C1orf105: variants seen among roughly 807,000 people sequenced by gnomAD.
C1orf105 encodes uncharacterized protein C1orf105.
Under a neutral mutation model 20.8 loss-of-function variants are expected in C1orf105, and 17 were observed. The observed-to-expected ratio is 0.82, with a 90% CI of 0.56 to 1.23. The LOEUF is 1.23. Ranked by LOEUF, C1orf105 falls within the 50% of genes most tolerant of loss-of-function variation. C1orf105 has a pLI of 0.00. For synonymous variants in C1orf105, 72 were observed against 72.1 expected (o/e 1.00, Z 0.01); for missense variants, 219 against 213.5 (o/e 1.03, Z -0.16).
chr1:172,434,080 A>C (rs889330534), intron 1 of C1orf105, among the ~76,000 whole-genome samples: 65 of 152,352 alleles, frequency 4.3e-4, no homozygotes, highest in Admixed American at 2.1e-3. Context: ...TGCACCCAAT[A>C]AAGGAGCACC....
chr1:172,448,592 A>T, intron 3 of C1orf105, 61 bp downstream of exon 3: 1 of 937,848 alleles, frequency 1.1e-6, no homozygotes, highest in Non-Finnish European at 1.8e-6. Context: ...ATAGAATATG[A>T]ATACATGTCC....
intron 4 of C1orf105, among the ~76,000 whole-genome samples, chr1:172,460,546 G>A (rs373618112): frequency 6.6e-4 from 101 of 152,142 alleles, no homozygotes; most frequent in Middle Eastern, 3.4e-3. Context: ...CTAGACAACT[G>A]TAAACAGATA....
chr1:172,440,397 T>C (rs1371382987), intron 1 of C1orf105, among the ~76,000 whole-genome samples: 1 of 152,230 alleles, frequency 6.6e-6, no homozygotes, highest in Non-Finnish European at 1.5e-5. Flanking sequence ...TGCTAATACA[T>C]AGTGCTTCGT....
chr1:172,465,346 A>G lies in C1orf105; in HGVS notation c.389A>G (p.His130Arg), dbSNP rs1335776621. Residue 130 changes from histidine (H) to arginine (R), a missense_variant, in exon 6 of 7, where the codon CAT becomes CGT. His to Arg is a conservative substitution (Grantham distance 29). Coordinates refer to ENST00000367727, the MANE Select transcript of C1orf105 (RefSeq NM_139240.4). ...TTCCAGACTACACCTGAGCCTTTCC[A>G]TGATGACATCCCAACAGGTTTGCTT... Reference protein sequence around the residue: ...PKFQTTPEPFHDDIPTESIHY... With the variant: ...PKFQTTPEPFRDDIPTESIHY... The G allele has an allele frequency of 1.2e-6, 2 of 1,611,756 alleles. No individual in the cohort carries two copies. Among genetic ancestry groups the G allele is most frequent in the Non-Finnish European group, 1.7e-6 (2 of 1,177,938 alleles).
intron 3 of C1orf105, among the ~76,000 whole-genome samples, chr1:172,453,456 T>C (rs1418889706): frequency 6.6e-6 from 1 of 152,248 alleles, no homozygotes; most frequent in Non-Finnish European, 1.5e-5. Context: ...ACTAATGTTC[T>C]GTAACGTTTC....
chr1:172,435,132 G>A (rs1438258592), intron 1 of C1orf105, among the ~76,000 whole-genome samples: 1 of 152,156 alleles, frequency 6.6e-6, no homozygotes, highest in Non-Finnish European at 1.5e-5. Flanking sequence ...AAAAGTCCAG[G>A]ACCAGATGGA....
At chr1:172,436,374 G>C (rs954346395) in intron 1 of C1orf105, among the ~76,000 whole-genome samples, 7 of 152,180 alleles carry the variant, frequency 4.6e-5, no homozygotes, top group Non-Finnish European at 1.0e-4. Context: ...AAACAGCATG[G>C]TACTGATACC....
chr1:172,456,228 A>T (rs1261003591), intron 3 of C1orf105, among the ~76,000 whole-genome samples, 187 bp from the exon 4 acceptor site: 1 of 152,104 alleles, frequency 6.6e-6, no homozygotes, highest in Non-Finnish European at 1.5e-5. Context: ...AACTCTCGGT[A>T]CCTACCAGCT....
intron 1 of C1orf105, among the ~76,000 whole-genome samples, chr1:172,423,507 G>C (rs2071643977): frequency 6.6e-6 from 1 of 152,046 alleles, no homozygotes; most frequent in South Asian, 2.1e-4. Context: ...TCAAATACCT[G>C]GAAAACATTC....
intron 1 of C1orf105, 72 bp from the exon 2 acceptor site, chr1:172,445,001 A>C: frequency 8.1e-7 from 1 of 1,241,588 alleles, no homozygotes; most frequent in Non-Finnish European, 1.2e-6. Context: ...CTATTAGCTG[A>C]CTTTGGCCAT....
chr1:172,459,060 C>G (rs1171566813), intron 4 of C1orf105, among the ~76,000 whole-genome samples: 2 of 152,066 alleles, frequency 1.3e-5, no homozygotes, highest in Non-Finnish European at 2.9e-5. Context: ...GGTCAAAGAG[C>G]TAAATGTAAG....
intron 3 of C1orf105, among the ~76,000 whole-genome samples, chr1:172,449,537 C>G (rs563914950): frequency 6.6e-6 from 1 of 152,218 alleles, no homozygotes; most frequent in South Asian, 2.1e-4. Flanking sequence ...GAGGTGGAGA[C>G]TGAGTGTGCA....
chr1:172,428,186 T>C (rs1275515321), intron 1 of C1orf105, among the ~76,000 whole-genome samples: 1 of 152,200 alleles, frequency 6.6e-6, no homozygotes, highest in African/African-American at 2.4e-5. Flanking sequence ...TCAAATTACA[T>C]ATAGAACGTG....
At chr1:172,447,386 CAGGT>C (rs1277023808) in intron 2 of C1orf105, among the ~76,000 whole-genome samples, 1 of 152,232 alleles carries the variant, frequency 6.6e-6, no homozygotes, top group Non-Finnish European at 1.5e-5. Flanking sequence ...AGGACTCTCT[CAGGT>C]AGGCCTGACA....
intron 4 of C1orf105, among the ~76,000 whole-genome samples, chr1:172,461,940 TA>T (rs1171721505): frequency 6.6e-6 from 1 of 152,216 alleles, no homozygotes; most frequent in Non-Finnish European, 1.5e-5. Context: ...TGGGGGCATC[TA>T]AACCAACCAA....
intron 1 of C1orf105, among the ~76,000 whole-genome samples, chr1:172,444,800 G>A (rs1647783903): frequency 6.6e-6 from 1 of 152,196 alleles, no homozygotes; most frequent in African/African-American, 2.4e-5. Context: ...TAAAACACAG[G>A]ATACAGTGGA....
At chr1:172,438,126 G>GAA (rs59822239) in intron 1 of C1orf105, among the ~76,000 whole-genome samples, 3,560 of 148,642 alleles carry the variant, frequency 0.024, 151 homozygotes, top group African/African-American at 0.082. Context: ...CTACTGCTCA[G>GAA]AAAAAAAAAA....
chr1:172,439,593 T>C (rs1461648349), intron 1 of C1orf105, among the ~76,000 whole-genome samples: 4 of 152,102 alleles, frequency 2.6e-5, no homozygotes, highest in African/African-American at 7.2e-5. Context: ...CCAAATACTA[T>C]ACAGTGTGAC....
intron 3 of C1orf105, among the ~76,000 whole-genome samples, chr1:172,453,923 C>T (rs1648945854): frequency 6.6e-6 from 1 of 152,176 alleles, no homozygotes; most frequent in Non-Finnish European, 1.5e-5. Flanking sequence ...CATTTCATCC[C>T]TCAGATTCTA....
Sources: gnomAD v4.1 joint callset for allele counts (sites outside exome capture counted in the v4.1 genomes callset) on GRCh38, gnomAD v4.1.1 for gene constraint, MANE v1.5 for transcripts, NCBI Gene and HGNC (gene_info 2026-07-23, HGNC 2026-07-21) for gene names.